The following PACSIN1 variants were observed in gnomAD, a reference collection of about 807,000 sequenced individuals.
PACSIN1 encodes protein kinase C and casein kinase substrate in neurons protein 1.
PACSIN1 carries 15 observed loss-of-function variants against 59.5 expected under a neutral mutation model. The ratio of observed to expected loss-of-function variants is 0.25; its 90% CI spans 0.17 to 0.39. The LOEUF is 0.39. Ranked by LOEUF, PACSIN1 falls within the 10% of genes least tolerant of loss-of-function variation. PACSIN1 has a pLI of 1.00. For synonymous variants in PACSIN1, 210 were observed against 220.6 expected (o/e 0.95, Z 0.42); for missense variants, 420 against 580.2 (o/e 0.72, Z 2.84).
intron 3 of PACSIN1, 104 bp from the exon 4 acceptor site, chr6:34,528,538 C>A: frequency 1.2e-6 from 1 of 852,450 alleles, no homozygotes; most frequent in Non-Finnish European, 2.0e-6. Flanking sequence ...GAGGGCATTT[C>A]TGTTGCTATG....
chr6:34,508,395 G>T lies in PACSIN1; in HGVS notation c.-63-17848G>T, dbSNP rs558503707. On this transcript the variant is annotated intron_variant, in intron 1 of 9. Transcript: ENST00000244458. ...GCTGGGATTACAGGTGTGAGCCACCGTGCCCAGCAGTAGTTATTTTTTAAA... is the reference window on the plus strand; with the variant it reads ...GCTGGGATTACAGGTGTGAGCCACCTTGCCCAGCAGTAGTTATTTTTTAAA... Among the ~76,000 whole-genome samples the T allele has an allele frequency of 3.3e-5, 5 of 152,154 alleles. 1 individual carries two copies. Among genetic ancestry groups the T allele is most frequent in the Middle Eastern group, 6.8e-3 (2 of 294 alleles).
intron 1 of PACSIN1, among the ~76,000 whole-genome samples, chr6:34,489,046 C>T (rs1379568064): frequency 6.6e-6 from 1 of 151,692 alleles, no homozygotes; most frequent in Non-Finnish European, 1.5e-5. Flanking sequence ...CCAGGTGTGG[C>T]GGCATGCCCC....
intron 1 of PACSIN1, among the ~76,000 whole-genome samples, chr6:34,498,695 C>T (rs4713799): frequency 0.37 from 54,947 of 150,156 alleles, 11,407 homozygotes; most frequent in Middle Eastern, 0.55. Context: ...ACTCTGGAGG[C>T]TGAGGTGGGA....
intron 1 of PACSIN1, among the ~76,000 whole-genome samples, chr6:34,523,455 A>C (rs1028898353): frequency 2.6e-5 from 4 of 152,238 alleles, no homozygotes; most frequent in African/African-American, 4.8e-5. Flanking sequence ...GGATTAGAGG[A>C]GGTAGACTTG....
At chr6:34,470,517 T>C (rs1766557078) in intron 1 of PACSIN1, among the ~76,000 whole-genome samples, 2 of 151,904 alleles carry the variant, frequency 1.3e-5, no homozygotes, top group African/African-American at 2.4e-5. Context: ...GATATTGTTA[T>C]AATTATTTTC....
In PACSIN1 at chr6:34,530,672, G is replaced by T. The variant is rs934635428; in HGVS notation, c.1037+85G>T. 5.6e-5 allele frequency: 75 copies of T among 1,346,070 alleles called. No homozygotes were observed. The South Asian group carries it at 9.5e-4, about 17-fold the overall frequency. 83.4% of individuals were successfully genotyped at this position (1,346,070 alleles called of 1,614,324 possible). A position where few individuals can be genotyped will look rare whatever the true frequency, so the allele number is the denominator to read the frequency against. On this transcript the variant is annotated intron_variant, in intron 8 of 9. Coordinates refer to ENST00000244458, the MANE Select transcript of PACSIN1 (RefSeq NM_020804.5). The surrounding 1 kb of genome is among the most constrained non-coding windows in gnomAD (Gnocchi z 4.4). Reference sequence around the variant, plus strand: ...AGTTTTGCTTCAGAAGACAAGAAATGGTCTAGATCATAGCAACTATGTCTC... The same window carrying T: ...AGTTTTGCTTCAGAAGACAAGAAATTGTCTAGATCATAGCAACTATGTCTC...
chr6:34,506,789 T>C lies in PACSIN1; in HGVS notation c.-63-19454T>C, dbSNP rs796593901. Reference sequence around the variant, plus strand: ...GCCTTGTTACTGCTCCTATGTGGTCTCCACTGACCTGATTACTCTTGGGTG... The same window carrying C: ...GCCTTGTTACTGCTCCTATGTGGTCCCCACTGACCTGATTACTCTTGGGTG... On this transcript the variant is annotated intron_variant, in intron 1 of 9. Transcript: ENST00000244458. Among the ~76,000 whole-genome samples the C allele has an allele frequency of 5.3e-5, 8 of 152,258 alleles. 1 individual carries two copies. The highest frequency in any genetic ancestry group is 1.9e-4 in the African/African-American group (8 of 41,550).
In PACSIN1 at chr6:34,530,909, G is replaced by T. The variant is rs150160148; in HGVS notation, c.1037+322G>T. ...CGCATGCGCAGTTCACAATAGGGGG[G>T]TTGCGCTCCTATGAGAATCTAACGC... On this transcript the variant is annotated intron_variant, in intron 8 of 9. Coordinates refer to ENST00000244458, the MANE Select transcript of PACSIN1 (RefSeq NM_020804.5). This position sits in a 1 kb window ranked among gnomAD's most constrained non-coding sequence, Gnocchi z 4.4. Among the ~76,000 whole-genome samples, 3 of 152,172 alleles carry T rather than the reference G, an allele frequency of 2.0e-5. No homozygotes were observed. The highest frequency in any genetic ancestry group is 2.0e-4 in the Admixed American group (3 of 15,276).
At position 34,531,556 on chromosome 6, in the gene PACSIN1, G is replaced by A. The variant is rs1270023601; in HGVS notation, c.1038-44G>A. ...GAGGAGCGGTTAGCCCTCGGGATGC[G>A]GTACGGGGAGACATTGAAGCTGGCT... On this transcript the variant is annotated intron_variant, in intron 8 of 9. Transcript: ENST00000244458. This position sits in a 1 kb window ranked among gnomAD's most constrained non-coding sequence, Gnocchi z 4.4. 3.8e-6 allele frequency: 6 copies of A among 1,592,296 alleles called. No homozygotes were observed. The highest frequency in any genetic ancestry group is 5.2e-6 in the Non-Finnish European group (6 of 1,164,406).
intron 1 of PACSIN1, among the ~76,000 whole-genome samples, chr6:34,489,115 AG>A (rs1471906019): frequency 8.0e-5 from 12 of 150,126 alleles, no homozygotes. Context: ...AGGGAGGTGG[AG>A]GTTGTAGTGA....
At chr6:34,508,124 A>G (rs1046618007) in intron 1 of PACSIN1, among the ~76,000 whole-genome samples, 10 of 135,454 alleles carry the variant, frequency 7.4e-5, no homozygotes, top group Non-Finnish European at 1.6e-4. Context: ...TTTGTTTGAG[A>G]CGGAGTTTCG....
Position 34,532,592 on chromosome 6 carries a change from C to A in PACSIN1, c.*62C>A. On this transcript the variant is annotated 3_prime_UTR_variant, in exon 10 of 10. Transcript: ENST00000244458. This position sits in a 1 kb window ranked among gnomAD's most constrained non-coding sequence, Gnocchi z 5.2. The stretch of plus-strand genomic sequence containing the variant: ...ACTGCCGCCCCTCCCCTCCCACTCT[C>A]GTCTCCTTCCCCTCGCCATAGAGTT... The A allele has an allele frequency of 1.2e-6, 1 of 866,856 alleles. No homozygotes were observed. Among genetic ancestry groups the A allele is most frequent in the Non-Finnish European group, 1.8e-6 (1 of 547,668 alleles). The allele number at this position is 866,856 out of a possible 1,614,324, so 53.7% of individuals were successfully genotyped here.
intron 1 of PACSIN1, among the ~76,000 whole-genome samples, chr6:34,489,123 G>C (rs1211346459): frequency 6.6e-6 from 1 of 151,530 alleles, no homozygotes; most frequent in Non-Finnish European, 1.5e-5. Context: ...GGAGGTTGTA[G>C]TGAGCCGAGT....
intron 1 of PACSIN1, among the ~76,000 whole-genome samples, chr6:34,483,691 G>A (rs533068844): frequency 7.4e-6 from 1 of 135,808 alleles, no homozygotes; most frequent in South Asian, 2.3e-4. Flanking sequence ...TGTTGCCCAG[G>A]CTGGAGTGCA....
chr6:34,523,377 C>T (rs779777167), intron 1 of PACSIN1, among the ~76,000 whole-genome samples: 5 of 152,224 alleles, frequency 3.3e-5, no homozygotes, highest in South Asian at 2.1e-4. Flanking sequence ...TGTTACATCC[C>T]GGAGCCCCTG....
At chr6:34,492,627 C>T (rs1413310539) in intron 1 of PACSIN1, among the ~76,000 whole-genome samples, 1 of 152,224 alleles carries the variant, frequency 6.6e-6, no homozygotes, top group African/African-American at 2.4e-5. Flanking sequence ...AGTGATCCAC[C>T]CACCTCAGCC....
At chr6:34,484,133 C>T (rs956304024) in intron 1 of PACSIN1, among the ~76,000 whole-genome samples, 2 of 152,134 alleles carry the variant, frequency 1.3e-5, no homozygotes, top group Non-Finnish European at 2.9e-5. Flanking sequence ...TCATCAGGGC[C>T]TTTAACATGC....
intron 1 of PACSIN1, among the ~76,000 whole-genome samples, chr6:34,485,854 G>T (rs1766785932): frequency 6.6e-6 from 1 of 152,190 alleles, no homozygotes. Context: ...TGGCCATGGG[G>T]GTCAGCAGTG....
At chr6:34,472,584 C>T (rs545209615) in intron 1 of PACSIN1, among the ~76,000 whole-genome samples, 6 of 152,264 alleles carry the variant, frequency 3.9e-5, no homozygotes, top group South Asian at 2.1e-4. Flanking sequence ...AAAATGAGCA[C>T]GTAAACTCCA....
Sources: gnomAD v4.1 joint callset for allele counts (sites outside exome capture counted in the v4.1 genomes callset) on GRCh38, gnomAD v4.1.1 for gene constraint, Gnocchi (gnomAD v3.1) non-coding constraint, MANE v1.5 for transcripts, NCBI Gene and HGNC (gene_info 2026-07-23, HGNC 2026-07-21) for gene names.